The following TEX2 variants were observed in gnomAD, a reference collection of about 807,000 sequenced individuals.
TEX2 encodes the protein testis-expressed protein 2.
In TEX2, 53 loss-of-function variants were observed where a neutral mutation model predicts 106.9. The observed-to-expected ratio is 0.50, with a 90% CI of 0.40 to 0.62. TEX2 has a LOEUF of 0.62. Among genes scored for constraint, TEX2 ranks in the 20% least tolerant of loss-of-function variants. The pLI is 0.00. For synonymous variants in TEX2, 523 were observed against 534.8 expected, an observed-to-expected ratio of 0.98 and a Z score of 0.30; for missense variants, 1,207 against 1,379.0, an observed-to-expected ratio of 0.88 and a Z score of 1.98.
At chr17:64,178,578 G>A (rs2031708131) in intron 5 of TEX2, among the ~76,000 whole-genome samples, 1 of 152,208 alleles carries the variant, frequency 6.6e-6, no homozygotes, top group Non-Finnish European at 1.5e-5. Context: ...GGGGGAAGGG[G>A]AGCTGGCCCC....
intron 1 of TEX2, among the ~76,000 whole-genome samples, chr17:64,249,265 G>A (rs1033354017): frequency 1.3e-5 from 2 of 152,012 alleles, no homozygotes; most frequent in Admixed American, 6.6e-5. Flanking sequence ...TTAACCAATC[G>A]ACAGTACAGC....
At chr17:64,162,273 A>C (rs2030922926) in intron 7 of TEX2, among the ~76,000 whole-genome samples, 1 of 152,238 alleles carries the variant, frequency 6.6e-6, no homozygotes, top group Non-Finnish European at 1.5e-5. Flanking sequence ...ATCTGCTTTA[A>C]TAAAGACATT....
chr17:64,242,857 G>A (rs1052279487), intron 1 of TEX2, among the ~76,000 whole-genome samples: 2 of 152,080 alleles, frequency 1.3e-5, no homozygotes, highest in East Asian at 1.9e-4. Flanking sequence ...AAGCCAAGGT[G>A]GGAGGATCAC....
In TEX2 at chr17:64,153,022, C is replaced by T. The variant is rs2030436263; in HGVS notation, c.3063G>A (p.Leu1021=). Residue 1021 remains leucine, a synonymous_variant, in exon 10 of 12, where the codon CTG becomes CTA. Coordinates refer to ENST00000584379, the MANE Select transcript of TEX2 (RefSeq NM_001288732.2). This position sits in a 1 kb window ranked among gnomAD's most constrained non-coding sequence, Gnocchi z 4.1. ...KKIEEVSNTP[L]LLTVEVQECR... ...ATTCTTGTACTTCAACAGTGAGCAG[C>T]AGGGGTGTGTTGGAGACTTCTTCGA... The T allele has an allele frequency of 4.3e-6, 7 of 1,614,054 alleles. No homozygotes were observed. Among genetic ancestry groups the T allele is most frequent in the Non-Finnish European group, 5.9e-6 (7 of 1,180,040 alleles).
In TEX2 at chr17:64,148,225, T is replaced by G. The variant is rs566473841; in HGVS notation, c.*744A>C. ...GACCCATCCTGTCATGTGCAGTGTT[T>G]GATGTTTTCACATACGCTCCTGTCT... On this transcript the variant is annotated 3_prime_UTR_variant, in exon 12 of 12. Coordinates refer to ENST00000584379, the MANE Select transcript of TEX2 (RefSeq NM_001288732.2). The G allele has an allele frequency of 6.6e-6, 1 of 152,660 alleles. No individual in the cohort carries two copies. The highest frequency in any genetic ancestry group is 1.5e-5 in the Non-Finnish European group (1 of 68,044). 9.5% of individuals were successfully genotyped at this position (152,660 alleles called of 1,614,324 possible). A position where few individuals can be genotyped will look rare whatever the true frequency, so the allele number is the denominator to read the frequency against.
intron 7 of TEX2, among the ~76,000 whole-genome samples, chr17:64,167,305 C>T (rs2031181074): frequency 6.6e-6 from 1 of 152,102 alleles, no homozygotes; most frequent in Admixed American, 6.6e-5. Context: ...TTTTGTTTAT[C>T]CTAGTAGGAT....
intron 1 of TEX2, among the ~76,000 whole-genome samples, chr17:64,241,305 A>G (rs1555635758): frequency 1.3e-5 from 2 of 152,242 alleles, no homozygotes; most frequent in Non-Finnish European, 2.9e-5. Context: ...TGCGGCCAAG[A>G]GGCCAAGCGG....
chr17:64,167,992 G>C (rs867028914), intron 7 of TEX2, among the ~76,000 whole-genome samples: 3 of 152,206 alleles, frequency 2.0e-5, no homozygotes, highest in Middle Eastern at 3.4e-3. Flanking sequence ...ACCAGTTGTG[G>C]CCAAAATATC....
At chr17:64,181,536 GAGA>G (rs2031863156) in intron 5 of TEX2, among the ~76,000 whole-genome samples, 1 of 145,956 alleles carries the variant, frequency 6.9e-6, no homozygotes, top group South Asian at 2.2e-4. Context: ...TGTATTCTTT[GAGA>G]AGGAGTCTCG....
Position 64,153,183 on chromosome 17 carries a change from A to G in TEX2, c.2931-29T>C, listed in dbSNP as rs1405217567. The stretch of plus-strand genomic sequence containing the variant: ...CAAATGTGGAACACAAAGGGCGGTT[A>G]GCACAAACTTTGCTCTTTTCACAGA... On this transcript the variant is annotated intron_variant, in intron 9 of 11. Transcript: ENST00000584379. This position sits in a 1 kb window ranked among gnomAD's most constrained non-coding sequence, Gnocchi z 4.1. 4 of 1,549,418 alleles carry G rather than the reference A, an allele frequency of 2.6e-6. No individual in the cohort carries two copies. Among genetic ancestry groups the G allele is most frequent in the Non-Finnish European group, 3.6e-6 (4 of 1,126,734 alleles).
At chr17:64,229,994 T>G (rs189300033) in intron 1 of TEX2, among the ~76,000 whole-genome samples, 1 of 152,320 alleles carries the variant, frequency 6.6e-6, no homozygotes, top group East Asian at 1.9e-4. Context: ...TCAGCAGACT[T>G]AACCTTGATA....
At chr17:64,234,397 GT>G (rs549914002) in intron 1 of TEX2, among the ~76,000 whole-genome samples, 2 of 152,270 alleles carry the variant, frequency 1.3e-5, no homozygotes, top group African/African-American at 4.8e-5. Flanking sequence ...TTGTTGTTGG[GT>G]TTTTTTCTTC....
chr17:64,251,931 C>G (rs1303202307), intron 1 of TEX2, among the ~76,000 whole-genome samples: 1 of 152,136 alleles, frequency 6.6e-6, no homozygotes, highest in Non-Finnish European at 1.5e-5. Flanking sequence ...TGAGGGAGGT[C>G]AGAGGGAGGA....
chr17:64,260,881 T>C (rs1336106327), intron 1 of TEX2, among the ~76,000 whole-genome samples: 2 of 152,154 alleles, frequency 1.3e-5, no homozygotes, highest in African/African-American at 4.8e-5. Context: ...GTGTGTTTAA[T>C]GAACTTCCTA....
At chr17:64,188,815 CAAA>C (rs200457668) in intron 4 of TEX2, among the ~76,000 whole-genome samples, 4 of 97,192 alleles carry the variant, frequency 4.1e-5, no homozygotes, top group African/African-American at 3.8e-5. Context: ...GACTCCATCT[CAAA>C]AAAAAAAAAA....
chr17:64,156,863 A>G (rs1201410121), intron 8 of TEX2, among the ~76,000 whole-genome samples: 8 of 152,234 alleles, frequency 5.3e-5, no homozygotes, highest in Non-Finnish European at 1.5e-5. Context: ...CCACTGGGCC[A>G]TATCATCTGG....
chr17:64,180,641 G>A (rs1324977995), intron 5 of TEX2, among the ~76,000 whole-genome samples: 1 of 152,250 alleles, frequency 6.6e-6, no homozygotes, highest in Non-Finnish European at 1.5e-5. Context: ...AGGATGAAAT[G>A]TGTGGAGGAT....
chr17:64,190,397 A>C (rs2032252120), intron 4 of TEX2, among the ~76,000 whole-genome samples: 1 of 152,154 alleles, frequency 6.6e-6, no homozygotes. Flanking sequence ...AAAAAAGAGA[A>C]AAAAAGATGA....
rs377117417 is a variant in TEX2 at position 64,154,894 on chromosome 17, C to T, written c.2878G>A (p.Asp960Asn). The change falls in exon 9 of 12, where the codon GAT (aspartate) becomes AAT (asparagine). Residue 960 changes from aspartate to asparagine, a missense_variant. By Grantham distance (23) the Asp-to-Asn change is conservative. Around this residue, in one of 3 missense-constraint regions of TEX2, gnomAD observed 1,067 missense variants for 1,193.6 expected, o/e 0.89. Transcript: ENST00000584379. ...TCTCCCCCGCTGGGCTCTGGGGCAT[C>T]GTCTTCCTCGGAGGAGCCAGCGCTG... Reference protein sequence around the residue: ...SSSAGSSEEDDAPEPSGGDKQ... With the variant: ...SSSAGSSEEDNAPEPSGGDKQ... The T allele has an allele frequency of 1.3e-5, 21 of 1,609,268 alleles. No homozygotes were observed. Among genetic ancestry groups the T allele is most frequent in the African/African-American group, 2.7e-5 (2 of 74,796 alleles).
Sources: gnomAD v4.1 joint callset for allele counts (sites outside exome capture counted in the v4.1 genomes callset) on GRCh38, gnomAD v4.1.1 for gene constraint, gnomAD v4.1.1 regional missense constraint, Gnocchi (gnomAD v3.1) non-coding constraint, MANE v1.5 for transcripts, NCBI Gene and HGNC (gene_info 2026-07-23, HGNC 2026-07-21) for gene names.